Variants in ADAM32 observed in about 807,000 individuals in gnomAD.
The protein encoded by ADAM32 is ADAM metallopeptidase domain 32.
ADAM32 carries 89 observed loss-of-function variants against 114.9 expected under a neutral mutation model. That is an observed-to-expected ratio of 0.77 (90% CI 0.65 to 0.92). The LOEUF is 0.92. Among genes scored for constraint, ADAM32 ranks in the 40% least tolerant of loss-of-function variants. ADAM32 has a pLI of 0.00. For missense variants in ADAM32, 870 were observed against 932.8 expected (o/e 0.93, Z 0.88); for synonymous variants, 285 against 307.5 (o/e 0.93, Z 0.77).
intron 15 of ADAM32, among the ~76,000 whole-genome samples, chr8:39,233,558 T>C (rs1192600107): frequency 1.3e-5 from 2 of 152,182 alleles, no homozygotes; most frequent in East Asian, 3.9e-4. Flanking sequence ...GCTTATGACC[T>C]GTATCTTATG....
In ADAM32 at chr8:39,223,046, C is replaced by T; in HGVS notation, c.1333C>T (p.Gln445Ter). Residue 445 changes from glutamine (Q) to a stop codon, truncating the protein, a stop_gained, in exon 14 of 25, where the codon CAA (glutamine) becomes TAA (stop). Coordinates refer to ENST00000379907, the MANE Select transcript of ADAM32 (RefSeq NM_145004.7). LOFTEE classifies it high-confidence loss of function. The part of the protein sequence containing the change: ...GLCCKDCQIL[Q>*]SGVECRPKAH... ...ATGTTCTAACTTCTCTTAGATTTTA[C>T]AATCAGGCGTTGAATGTAGGCCGAA... 6.4e-7 allele frequency: 1 copy of T among 1,569,516 alleles called. No homozygotes were observed. The highest frequency in any genetic ancestry group is 8.6e-7 in the Non-Finnish European group (1 of 1,160,004).
rs185459763 is a variant in ADAM32 at position 39,182,221 on chromosome 8, A to G, written c.916-4688A>G. Among the ~76,000 whole-genome samples the G allele has an allele frequency of 2.5e-3, 379 of 152,350 alleles. 2 individuals are homozygous for G. The highest frequency in any genetic ancestry group is 7.7e-3 in the South Asian group (37 of 4,828). ...CTGGTTAGCAGATGGGCTTTTTGAT[A>G]AAAGAAACTCTACTTTGACTTGATG... is the stretch of plus-strand genomic sequence containing the variant. On this transcript the variant is annotated intron_variant, in intron 10 of 24. Coordinates refer to ENST00000379907, the MANE Select transcript of ADAM32 (RefSeq NM_145004.7).
At chr8:39,107,856 A>C in intron 1 of ADAM32, 23 bp downstream of exon 1, 13 of 1,521,406 alleles carry the variant, frequency 8.5e-6, no homozygotes, top group Non-Finnish European at 1.1e-5. Flanking sequence ...AGACCCTGAC[A>C]CTAGTCCGGG....
chr8:39,134,721 A>C (rs1011373774), intron 2 of ADAM32, among the ~76,000 whole-genome samples: 2 of 152,208 alleles, frequency 1.3e-5, no homozygotes, highest in Non-Finnish European at 2.9e-5. Flanking sequence ...CTGCAAATAA[A>C]AGGTATTTCA....
intron 13 of ADAM32, 54 bp downstream of exon 13, chr8:39,221,756 G>T (rs976386952): frequency 5.2e-5 from 71 of 1,360,270 alleles, no homozygotes; most frequent in Non-Finnish European, 6.9e-5. Flanking sequence ...CATGTGCAGG[G>T]TACTTTACAA....
In ADAM32 at chr8:39,257,193, T is replaced by A. The variant is rs1358867727; in HGVS notation, c.2012T>A (p.Ile671Asn). Reference protein sequence around the residue: ...SIFPEEDMGSIMERASGKTEN... With the variant: ...SIFPEEDMGSNMERASGKTEN... ...TTTGTATTTCTGTTTTTAGGTTCAA[T>A]CATGGAAAGAGCATCTGGGAAGACT... The change falls in exon 19 of 25, where the codon ATC becomes AAC. Residue 671 changes from isoleucine to asparagine, a missense_variant. Coordinates refer to ENST00000379907, the MANE Select transcript of ADAM32 (RefSeq NM_145004.7). 6.4e-7 allele frequency: 1 copy of A among 1,574,564 alleles called. No homozygotes were observed. Among genetic ancestry groups the A allele is most frequent in the Non-Finnish European group, 8.6e-7 (1 of 1,161,128 alleles).
Position 39,284,858 on chromosome 8 carries a change from G to A in ADAM32, c.*59G>A. ...AGTCTCGCTAAGAAATGAAAATTCT[G>A]TCTTTCCTTCCGTGGTCACAGCTGA... On this transcript the variant is annotated 3_prime_UTR_variant, in exon 25 of 25. Coordinates refer to ENST00000379907, the MANE Select transcript of ADAM32 (RefSeq NM_145004.7). 6.3e-7 allele frequency: 1 copy of A among 1,594,414 alleles called. No homozygotes were observed. The highest frequency in any genetic ancestry group is 1.7e-5 in the Admixed American group (1 of 59,668).
chr8:39,223,351 A>G, intron 14 of ADAM32, 113 bp downstream of exon 14: 1 of 562,082 alleles, frequency 1.8e-6, no homozygotes, highest in Non-Finnish European at 2.7e-6. Context: ...ATAGTATAAA[A>G]TGTGGAATAT....
At chr8:39,157,827 G>A (rs1252944728) in intron 6 of ADAM32, 1 of 806,400 alleles carries the variant, frequency 1.2e-6, no homozygotes, top group Non-Finnish European at 2.0e-6. Context: ...ATAGTCAGTG[G>A]AGGCACTGAT....
chr8:39,229,680 G>A (rs866599479), intron 14 of ADAM32, among the ~76,000 whole-genome samples: 8 of 152,182 alleles, frequency 5.3e-5, no homozygotes, highest in Middle Eastern at 3.4e-3. Flanking sequence ...ACCTATCACT[G>A]GAGTTCCCAA....
intron 7 of ADAM32, among the ~76,000 whole-genome samples, chr8:39,163,238 G>C (rs1003874007): frequency 1.3e-5 from 2 of 152,102 alleles, no homozygotes; most frequent in African/African-American, 4.8e-5. Flanking sequence ...TTACTACTCA[G>C]GTATATTGAA....
chr8:39,159,009 T>A (rs931936590), intron 6 of ADAM32, among the ~76,000 whole-genome samples: 2 of 152,212 alleles, frequency 1.3e-5, no homozygotes, highest in Admixed American at 1.3e-4. Context: ...GTCTAGTAAG[T>A]ACAATGTCTG....
At chr8:39,246,902 GT>G (rs1353669965) in intron 17 of ADAM32, among the ~76,000 whole-genome samples, 1 of 152,050 alleles carries the variant, frequency 6.6e-6, no homozygotes, top group East Asian at 1.9e-4. Context: ...TCTTATTACT[GT>G]TTTCCTAGGT....
intron 24 of ADAM32, 118 bp downstream of exon 24, chr8:39,283,742 A>C: frequency 3.3e-6 from 2 of 599,420 alleles, no homozygotes; most frequent in South Asian, 3.2e-5. Flanking sequence ...AAAGTACTGC[A>C]CCAATAAATA....
intron 14 of ADAM32, 83 bp from the exon 15 acceptor site, chr8:39,231,944 T>A (rs948505025): frequency 4.5e-6 from 5 of 1,109,864 alleles, no homozygotes; most frequent in Non-Finnish European, 6.7e-6. Context: ...AATGGAGAGA[T>A]AAAGGGAATA....
intron 2 of ADAM32, among the ~76,000 whole-genome samples, chr8:39,125,238 T>C (rs934731661): frequency 6.6e-6 from 1 of 152,208 alleles, no homozygotes; most frequent in Non-Finnish European, 1.5e-5. Context: ...TTGTAAACTC[T>C]GGATATTTGT....
chr8:39,172,769 T>A (rs1585453157), intron 10 of ADAM32, among the ~76,000 whole-genome samples: 1 of 152,322 alleles, frequency 6.6e-6, no homozygotes, highest in East Asian at 1.9e-4. Flanking sequence ...TGATTCCATG[T>A]CTTTGCTATT....
intron 22 of ADAM32, among the ~76,000 whole-genome samples, chr8:39,280,692 A>G (rs1261085992): frequency 6.6e-6 from 1 of 152,198 alleles, no homozygotes; most frequent in African/African-American, 2.4e-5. Context: ...TTTTGGTGCT[A>G]TAAAATGGCC....
intron 12 of ADAM32, among the ~76,000 whole-genome samples, chr8:39,211,597 C>G (rs1808228384): frequency 2.6e-5 from 4 of 152,138 alleles, no homozygotes; most frequent in African/African-American, 7.2e-5. Context: ...ATATAGGGTT[C>G]TTTACAAATC....
Sources: allele counts gnomAD v4.1 joint callset (sites outside exome capture counted in the v4.1 genomes callset), GRCh38; gene constraint gnomAD v4.1.1; transcripts MANE v1.5; gene names NCBI Gene and HGNC (gene_info 2026-07-23, HGNC 2026-07-21).